The following NAV1 variants were observed in gnomAD, a reference collection of about 807,000 sequenced individuals.
NAV1 encodes the protein pore membrane and/or filament interacting like protein 3.
A neutral mutation model predicts 175.2 loss-of-function variants in NAV1; 18 were observed. The observed-to-expected ratio is 0.10, with a 90% CI of 0.07 to 0.15. The LOEUF is 0.15. Ranked by LOEUF, NAV1 falls within the 10% of genes least tolerant of loss-of-function variation. The pLI, the probability that NAV1 is intolerant of heterozygous loss-of-function variation, is 1.00. For missense variants in NAV1, 1,731 were observed against 2,436.6 expected (o/e 0.71, Z 6.10); for synonymous variants, 897 against 978.7 (o/e 0.92, Z 1.56).
intron 1 of NAV1, among the ~76,000 whole-genome samples, chr1:201,677,961 A>G (rs1346545283): frequency 6.6e-6 from 1 of 152,026 alleles, no homozygotes; most frequent in African/African-American, 2.4e-5. Context: ...TGAAGCTTTC[A>G]CCAAACATGC....
At chr1:201,738,911 T>C (rs1003281177) in intron 3 of NAV1, among the ~76,000 whole-genome samples, 1 of 152,168 alleles carries the variant, frequency 6.6e-6, no homozygotes, top group Non-Finnish European at 1.5e-5. Context: ...CAGTTCACAT[T>C]GGCATTGGGA....
upstream of NAV1, among the ~76,000 whole-genome samples, chr1:201,646,487 T>C (rs190137938): frequency 4.5e-4 from 68 of 152,312 alleles, 3 homozygotes; most frequent in Admixed American, 4.3e-3. Flanking sequence ...CTACCTTGTA[T>C]TCCCTGCCAG....
intron 3 of NAV1, among the ~76,000 whole-genome samples, chr1:201,759,191 A>T (rs972488167): frequency 1.3e-5 from 2 of 152,230 alleles, no homozygotes; most frequent in Non-Finnish European, 2.9e-5. Context: ...TAGAAGTATA[A>T]TGTAAAATGC....
intron 1 of NAV1, among the ~76,000 whole-genome samples, chr1:201,583,567 G>A (rs549607501): frequency 8.3e-4 from 126 of 152,352 alleles, no homozygotes; most frequent in African/African-American, 2.7e-3. Context: ...CTGGGACAGA[G>A]GGTGGCACTT....
chr1:201,774,132 C>A (rs1021822708), intron 3 of NAV1, among the ~76,000 whole-genome samples: 1 of 131,966 alleles, frequency 7.6e-6, no homozygotes, highest in Non-Finnish European at 1.7e-5. Flanking sequence ...TTGCCCAGCT[C>A]TCTTTTCTGT....
chr1:201,674,820 T>C (rs973432906), intron 1 of NAV1, among the ~76,000 whole-genome samples: 5 of 152,030 alleles, frequency 3.3e-5, no homozygotes, highest in African/African-American at 4.8e-5. Flanking sequence ...GCAGATCACT[T>C]GAGGCCAGGA....
chr1:201,655,897 G>T (rs1312779348), intron 1 of NAV1, among the ~76,000 whole-genome samples: 2 of 152,056 alleles, frequency 1.3e-5, no homozygotes, highest in Non-Finnish European at 2.9e-5. Context: ...GGGGTGTGTT[G>T]CATAGGTGGG....
At chr1:201,747,383 C>T (rs1317552833) in intron 3 of NAV1, among the ~76,000 whole-genome samples, 2 of 152,140 alleles carry the variant, frequency 1.3e-5, no homozygotes, top group South Asian at 2.1e-4. Context: ...GCCAACTGTA[C>T]GATTTTAAAA....
chr1:201,540,554 C>G (rs1316959646), intron 1 of NAV1, among the ~76,000 whole-genome samples: 1 of 152,178 alleles, frequency 6.6e-6, no homozygotes, highest in Non-Finnish European at 1.5e-5. Context: ...GAGGATCTGA[C>G]GATCTGACAC....
chr1:201,632,947 C>T (rs896626018), intron 2 of NAV1, among the ~76,000 whole-genome samples: 2 of 152,166 alleles, frequency 1.3e-5, no homozygotes, highest in African/African-American at 4.8e-5. Flanking sequence ...GCTAGTGTGC[C>T]TGGGGCAGGA....
chr1:201,687,246 T>C (rs1670720961), intron 1 of NAV1, among the ~76,000 whole-genome samples: 1 of 152,222 alleles, frequency 6.6e-6, no homozygotes, highest in Non-Finnish European at 1.5e-5. Context: ...GTTGCTTTTT[T>C]TTTCCCCCAG....
intron 2 of NAV1, among the ~76,000 whole-genome samples, chr1:201,595,763 G>A (rs758752104): frequency 2.6e-5 from 4 of 152,208 alleles, no homozygotes; most frequent in African/African-American, 4.8e-5. Context: ...CCTCCTGGCC[G>A]AGTTGAAAGC....
At chr1:201,692,536 G>A (rs1261769585) in intron 1 of NAV1, among the ~76,000 whole-genome samples, 3 of 152,226 alleles carry the variant, frequency 2.0e-5, no homozygotes, top group African/African-American at 7.2e-5. Context: ...AAAATCTTTA[G>A]AGTGAGTTCC....
At chr1:201,574,062 GAA>G (rs111716555) in intron 1 of NAV1, among the ~76,000 whole-genome samples, 1 of 137,890 alleles carries the variant, frequency 7.3e-6, no homozygotes, top group African/African-American at 2.6e-5. Flanking sequence ...CTGTCTCTAA[GAA>G]AAAAAAAAAA....
chr1:201,567,433 A>G (rs993625053), intron 1 of NAV1, among the ~76,000 whole-genome samples: 17 of 152,212 alleles, frequency 1.1e-4, no homozygotes, highest in African/African-American at 4.1e-4. Context: ...TGAGAGCTGC[A>G]CTGGGATGGA....
chr1:201,785,412 C>A, intron 8 of NAV1, 61 bp downstream of exon 12: 1 of 1,526,696 alleles, frequency 6.6e-7, no homozygotes, highest in Non-Finnish European at 9.0e-7. Flanking sequence ...TATGAAAAAT[C>A]ATATCTCAAC....
Position 201,813,571 on chromosome 1 carries a change from A to G in NAV1, c.5340+313A>G, listed in dbSNP as rs1319749558. Reference sequence around the variant, plus strand: ...TGAGCTAAGAAGTAAGTAAAACCCTAATTAAAACAAACAAACAAACAAACA... The same window carrying G: ...TGAGCTAAGAAGTAAGTAAAACCCTGATTAAAACAAACAAACAAACAAACA... On this transcript the variant is annotated intron_variant, in intron 28 of 29. Transcript: ENST00000367296. This position sits in a 1 kb window ranked among gnomAD's most constrained non-coding sequence, Gnocchi z 4.2. 6.6e-6 allele frequency among the ~76,000 whole-genome samples: 1 copy of G among 151,928 alleles called. No individual in the cohort carries two copies. Among genetic ancestry groups the G allele is most frequent in the Non-Finnish European group, 1.5e-5 (1 of 68,020 alleles).
intron 2 of NAV1, among the ~76,000 whole-genome samples, chr1:201,597,093 T>A (rs1392754902): frequency 1.3e-5 from 2 of 152,160 alleles, no homozygotes. Context: ...CCCAAAGTGC[T>A]GGGATTACAG....
At chr1:201,648,434 C>T (rs1351128091) in exon 1 of NAV1, 1 of 1,231,134 alleles carries the variant, frequency 8.1e-7, no homozygotes, top group Non-Finnish European at 1.0e-6. Flanking sequence ...CCCGGCTTCC[C>T]TGCTCTTTCC....
Sources: allele counts gnomAD v4.1 joint callset (sites outside exome capture counted in the v4.1 genomes callset), GRCh38; gene constraint gnomAD v4.1.1; non-coding constraint Gnocchi (gnomAD v3.1); transcripts MANE v1.5; gene names NCBI Gene and HGNC (gene_info 2026-07-23, HGNC 2026-07-21).